The following ALK variants were observed in gnomAD, a reference collection of about 807,000 sequenced individuals.
ALK encodes ALK tyrosine kinase receptor.
Under a neutral mutation model 163.1 loss-of-function variants are expected in ALK, and 74 were observed. The ratio of observed to expected loss-of-function variants is 0.45; its 90% CI spans 0.38 to 0.55. The LOEUF is 0.55. ALK is among the 20% of genes least tolerant of loss of function. The probability of loss-of-function intolerance (pLI) is 0.00; values close to 1 mark genes in which losing one functional copy is unlikely to be tolerated. For synonymous variants in ALK, 960 were observed against 843.2 expected, an observed-to-expected ratio of 1.14 and a Z score of -2.40; for missense variants, 2,063 against 2,105.3, an observed-to-expected ratio of 0.98 and a Z score of 0.39.
At chr2:29,394,743 C>G (rs774764683) in intron 4 of ALK, among the ~76,000 whole-genome samples, 14 of 152,328 alleles carry the variant, frequency 9.2e-5, no homozygotes, top group South Asian at 2.1e-4. Flanking sequence ...GTGGGCACAT[C>G]ACCCACCAGC....
chr2:29,728,871 A>G (rs971096944), intron 1 of ALK, among the ~76,000 whole-genome samples: 6 of 152,210 alleles, frequency 3.9e-5, no homozygotes, highest in Non-Finnish European at 8.8e-5. Flanking sequence ...AATCGAGAAC[A>G]AGGACAGGGA....
At chr2:29,681,886 T>G (rs1678082211) in intron 3 of ALK, among the ~76,000 whole-genome samples, 1 of 152,158 alleles carries the variant, frequency 6.6e-6, no homozygotes, top group African/African-American at 2.4e-5. Flanking sequence ...TCCAGCTTAC[T>G]TTAAAAATAT....
At chr2:29,344,015 C>T (rs1667876049) in intron 5 of ALK, among the ~76,000 whole-genome samples, 1 of 151,944 alleles carries the variant, frequency 6.6e-6, no homozygotes, top group Non-Finnish European at 1.5e-5. Flanking sequence ...TCTGAGGACA[C>T]CTAGAGGAAA....
intron 4 of ALK, among the ~76,000 whole-genome samples, chr2:29,387,431 G>T (rs1669057962): frequency 6.6e-6 from 1 of 152,168 alleles, no homozygotes; most frequent in Non-Finnish European, 1.5e-5. Context: ...AGGAGGGTTG[G>T]CTTGTGAATA....
chr2:29,209,542 CAAAA>C (rs76343130), intron 25 of ALK, among the ~76,000 whole-genome samples: 4 of 80,172 alleles, frequency 5.0e-5, no homozygotes, highest in South Asian at 4.4e-4. Flanking sequence ...AACTCCGTCT[CAAAA>C]AAAAAAAAAA....
intron 1 of ALK, among the ~76,000 whole-genome samples, chr2:29,909,437 G>C (rs1667638771): frequency 1.3e-5 from 2 of 148,174 alleles, no homozygotes; most frequent in Admixed American, 6.8e-5. Flanking sequence ...ACCAGAGAAG[G>C]CACAACTAGA....
chr2:29,858,617 C>T (rs1054744656), intron 1 of ALK, among the ~76,000 whole-genome samples: 3 of 152,108 alleles, frequency 2.0e-5, no homozygotes, highest in African/African-American at 7.2e-5. Context: ...GTGGCGCACA[C>T]CTGTAGTCCC....
chr2:29,492,206 G>A (rs566756872), intron 4 of ALK, among the ~76,000 whole-genome samples: 3 of 152,188 alleles, frequency 2.0e-5, no homozygotes, highest in African/African-American at 7.2e-5. Context: ...TATTTAATGT[G>A]TTTCCATAAT....
intron 3 of ALK, among the ~76,000 whole-genome samples, chr2:29,638,171 G>A (rs1211954249): frequency 6.6e-6 from 1 of 152,154 alleles, no homozygotes; most frequent in East Asian, 1.9e-4. Flanking sequence ...GGAAAGCGGA[G>A]GCAGGAAGCT....
chr2:29,877,284 T>A (rs1666747804), intron 1 of ALK, among the ~76,000 whole-genome samples: 1 of 152,178 alleles, frequency 6.6e-6, no homozygotes, highest in Non-Finnish European at 1.5e-5. Flanking sequence ...CCTCCAGATA[T>A]CCTCATGGCT....
intron 3 of ALK, among the ~76,000 whole-genome samples, chr2:29,567,044 CAACTT>C (rs1674212167): frequency 6.6e-6 from 1 of 152,068 alleles, no homozygotes; most frequent in African/African-American, 2.4e-5. Context: ...TTAGTTTTGT[CAACTT>C]AAATTATATA....
chr2:29,583,674 G>C (rs553796542), intron 3 of ALK, among the ~76,000 whole-genome samples: 5 of 152,064 alleles, frequency 3.3e-5, no homozygotes, highest in Non-Finnish European at 5.9e-5. Flanking sequence ...CTGTACCAGT[G>C]ACCTCTCTTC....
At chr2:29,447,124 A>G (rs1670704407) in intron 4 of ALK, among the ~76,000 whole-genome samples, 1 of 152,172 alleles carries the variant, frequency 6.6e-6, no homozygotes, top group African/African-American at 2.4e-5. Context: ...GTCTCCTGGC[A>G]AACACGTGGG....
intron 3 of ALK, among the ~76,000 whole-genome samples, chr2:29,616,458 T>C (rs1301774535): frequency 6.6e-6 from 1 of 152,098 alleles, no homozygotes; most frequent in African/African-American, 2.4e-5. Context: ...GGAAGGAAGA[T>C]TTACAATTTG....
At chr2:29,311,797 G>C (rs1666703641) in intron 8 of ALK, among the ~76,000 whole-genome samples, 1 of 152,146 alleles carries the variant, frequency 6.6e-6, no homozygotes, top group Non-Finnish European at 1.5e-5. Context: ...TTCTCTGGGG[G>C]ATGGGGGCGA....
intron 4 of ALK, among the ~76,000 whole-genome samples, chr2:29,510,270 T>C (rs1672474085): frequency 6.6e-6 from 1 of 152,220 alleles, no homozygotes; most frequent in African/African-American, 2.4e-5. Context: ...GCAATTGGCA[T>C]TCTTAAGTCC....
intron 1 of ALK, among the ~76,000 whole-genome samples, chr2:29,847,001 T>C (rs925841842): frequency 6.6e-6 from 1 of 152,006 alleles, no homozygotes; most frequent in Non-Finnish European, 1.5e-5. Flanking sequence ...GCTTGTAAAG[T>C]AAAAAATGGC....
At chr2:29,232,574 G>T (rs1358688486) in intron 14 of ALK, 126 bp from the exon 15 acceptor site, 59 of 1,284,204 alleles carry the variant, frequency 4.6e-5, no homozygotes, top group Non-Finnish European at 6.4e-5. Flanking sequence ...ACCTCTCAGT[G>T]GTCTGAGGTG....
At chr2:29,733,423 G>A (rs1478689876) in intron 1 of ALK, among the ~76,000 whole-genome samples, 1 of 152,230 alleles carries the variant, frequency 6.6e-6, no homozygotes, top group Middle Eastern at 3.4e-3. Context: ...TGAGATCATG[G>A]GTTTAGATGT....
Sources: allele counts gnomAD v4.1 joint callset (sites outside exome capture counted in the v4.1 genomes callset), GRCh38; gene constraint gnomAD v4.1.1; transcripts MANE v1.5; gene names NCBI Gene and HGNC (gene_info 2026-07-23, HGNC 2026-07-21).